NAALADL2: variants seen among roughly 807,000 people sequenced by gnomAD.
The protein encoded by NAALADL2 is N-acetylated alpha-linked acidic dipeptidase like 2, also known as inactive N-acetylated-alpha-linked acidic dipeptidase-like protein 2.
In NAALADL2, 76 loss-of-function variants were observed where a neutral mutation model predicts 87.2. The observed-to-expected ratio is 0.87, with a 90% CI of 0.72 to 1.05. The LOEUF is 1.05. Ranked by LOEUF, NAALADL2 falls within the 50% of genes least tolerant of loss-of-function variation. The pLI is 0.00. For synonymous variants in NAALADL2, 354 were observed against 331.0 expected (o/e 1.07, Z -0.75); for missense variants, 1,089 against 945.8 (o/e 1.15, Z -1.99).
At chr3:175,325,929 T>C (rs1760652223) in intron 5 of NAALADL2, among the ~76,000 whole-genome samples, 1 of 152,220 alleles carries the variant, frequency 6.6e-6, no homozygotes, top group African/African-American at 2.4e-5. Context: ...GCACCCTTTC[T>C]TTCTTCTCCT....
At chr3:174,607,824 C>T (rs1164946738) in intron 2 of NAALADL2, among the ~76,000 whole-genome samples, 2 of 152,084 alleles carry the variant, frequency 1.3e-5, no homozygotes, top group African/African-American at 4.8e-5. Flanking sequence ...ACCTAATAGA[C>T]ATCTGCAGAA....
In NAALADL2 at chr3:175,805,295, TTTTG is replaced by T. The variant is rs1406731914; in HGVS notation, c.*2096_*2099del. The stretch of plus-strand genomic sequence containing the variant: ...GAACAGAAAACATGTTTCTTCTTCA[TTTTG>T]TTTAAAGATTGCGTACCTAGGTAAG... On this transcript the variant is annotated 3_prime_UTR_variant, in exon 14 of 14. Coordinates refer to ENST00000454872, the MANE Select transcript of NAALADL2 (RefSeq NM_207015.3). 6.6e-6 allele frequency: 1 copy of T among 151,922 alleles called. No individual in the cohort carries two copies. The highest frequency in any genetic ancestry group is 1.5e-5 in the Non-Finnish European group (1 of 67,886). 9.4% of individuals were successfully genotyped at this position (151,922 alleles called of 1,614,324 possible). A position where few individuals can be genotyped will look rare whatever the true frequency, so the allele number is the denominator to read the frequency against.
intron 1 of NAALADL2, among the ~76,000 whole-genome samples, chr3:174,918,607 T>G (rs1734729332): frequency 1.3e-5 from 2 of 152,132 alleles, no homozygotes; most frequent in African/African-American, 4.8e-5. Flanking sequence ...CTGGGACAAT[T>G]GAGCTCTCTT....
chr3:174,861,165 A>C (rs752769953), intron 1 of NAALADL2, among the ~76,000 whole-genome samples: 15 of 152,194 alleles, frequency 9.9e-5, no homozygotes, highest in Admixed American at 4.6e-4. Context: ...ATTCATGTTT[A>C]AATGTATCCT....
At chr3:175,168,475 A>T (rs548158536) in intron 2 of NAALADL2, among the ~76,000 whole-genome samples, 2 of 151,970 alleles carry the variant, frequency 1.3e-5, no homozygotes, top group South Asian at 4.1e-4. Flanking sequence ...AAGGTATAAT[A>T]TAGCAAGCAG....
intron 9 of NAALADL2, among the ~76,000 whole-genome samples, chr3:175,555,223 C>T (rs1042264505): frequency 6.6e-6 from 1 of 152,122 alleles, no homozygotes; most frequent in Non-Finnish European, 1.5e-5. Flanking sequence ...AACAGAAGCC[C>T]ACACTTAATT....
chr3:174,995,874 A>T (rs1415861636), intron 1 of NAALADL2, among the ~76,000 whole-genome samples: 1 of 152,154 alleles, frequency 6.6e-6, no homozygotes, highest in South Asian at 2.1e-4. Context: ...GAGTAAGTAA[A>T]CCAGAAAAGA....
At chr3:175,234,470 T>C (rs1320219795) in intron 3 of NAALADL2, among the ~76,000 whole-genome samples, 2 of 152,208 alleles carry the variant, frequency 1.3e-5, no homozygotes, top group East Asian at 3.8e-4. Context: ...TCTGTCCATA[T>C]AGTGCAAGTC....
chr3:175,383,402 T>C (rs567653573), intron 5 of NAALADL2, among the ~76,000 whole-genome samples: 1 of 145,958 alleles, frequency 6.9e-6, no homozygotes, highest in South Asian at 2.2e-4. Flanking sequence ...TATCCCTCAC[T>C]TCACGTCCAT....
At chr3:175,688,888 G>A (rs1246081807) in intron 11 of NAALADL2, among the ~76,000 whole-genome samples, 1 of 152,172 alleles carries the variant, frequency 6.6e-6, no homozygotes, top group Non-Finnish European at 1.5e-5. Context: ...AGCCAGGTGG[G>A]CCTGAGTCCT....
intron 11 of NAALADL2, among the ~76,000 whole-genome samples, chr3:175,671,062 G>A (rs961183640): frequency 2.0e-5 from 3 of 151,634 alleles, no homozygotes; most frequent in East Asian, 1.9e-4. Context: ...ACAGGGACAC[G>A]TTTTAAATGT....
At chr3:174,485,942 TTCTGCATATGGCTAGCCAATTA>T (rs1315217808) in intron 1 of NAALADL2, among the ~76,000 whole-genome samples, 2 of 152,032 alleles carry the variant, frequency 1.3e-5, no homozygotes, top group Non-Finnish European at 2.9e-5. Flanking sequence ...AGTTTGAATC[TTCTGCATATGGCTAGCCAATTA>T]TCCCAGCACC....
At position 175,526,558 on chromosome 3, in the gene NAALADL2, G is replaced by A. The variant is rs115401426; in HGVS notation, c.1654-49483G>A. Among the ~76,000 whole-genome samples, 685 of 151,564 alleles carry A rather than the reference G, an allele frequency of 4.5e-3. 6 individuals are homozygous for A. The highest frequency in any genetic ancestry group is 0.016 in the African/African-American group (658 of 41,308). On this transcript the variant is annotated intron_variant, in intron 9 of 13. Transcript: ENST00000454872. ...TATCTGTAGGTCAAAGTGTGTTTAC[G>A]TATTTAATGTTATTTCAGGTTATCT... is the stretch of plus-strand genomic sequence containing the variant.
chr3:174,734,550 C>T (rs1200297540), intron 2 of NAALADL2, among the ~76,000 whole-genome samples: 1 of 152,088 alleles, frequency 6.6e-6, no homozygotes. Flanking sequence ...CAGGACCCAC[C>T]TCCAAATATT....
chr3:175,184,167 T>G (rs1736999239), intron 2 of NAALADL2, among the ~76,000 whole-genome samples: 1 of 152,110 alleles, frequency 6.6e-6, no homozygotes, highest in African/African-American at 2.4e-5. Context: ...GTGCCCCATT[T>G]CCTAAAATTT....
At chr3:175,150,904 T>C (rs999189979) in intron 2 of NAALADL2, among the ~76,000 whole-genome samples, 1 of 152,220 alleles carries the variant, frequency 6.6e-6, no homozygotes, top group African/African-American at 2.4e-5. Flanking sequence ...ATAGGACTTA[T>C]GAATTCAAAT....
intron 3 of NAALADL2, among the ~76,000 whole-genome samples, chr3:174,811,138 G>C (rs1190092636): frequency 6.6e-6 from 1 of 152,198 alleles, no homozygotes; most frequent in African/African-American, 2.4e-5. Context: ...TTCAGGGGCA[G>C]AGCCCTTATG....
intron 2 of NAALADL2, among the ~76,000 whole-genome samples, chr3:174,726,410 T>C (rs756681776): frequency 6.6e-6 from 1 of 152,160 alleles, no homozygotes; most frequent in African/African-American, 2.4e-5. Context: ...CAACCTGTCA[T>C]TAGTTATAAT....
At chr3:174,743,678 A>G (rs1005505305) in intron 3 of NAALADL2, among the ~76,000 whole-genome samples, 2 of 151,874 alleles carry the variant, frequency 1.3e-5, no homozygotes, top group African/African-American at 4.8e-5. Context: ...ATGTATTTCC[A>G]AATTAGAATA....
Sources: allele counts gnomAD v4.1 joint callset (sites outside exome capture counted in the v4.1 genomes callset), GRCh38; gene constraint gnomAD v4.1.1; transcripts MANE v1.5; gene names NCBI Gene and HGNC (gene_info 2026-07-23, HGNC 2026-07-21).